GABRB1: variants seen among roughly 807,000 people sequenced by gnomAD.
GABRB1 encodes the protein gamma-aminobutyric acid type A receptor subunit beta1.
A neutral mutation model predicts 51.6 loss-of-function variants in GABRB1; 17 were observed. That is an observed-to-expected ratio of 0.33 (90% CI 0.23 to 0.49). The LOEUF is 0.49. Among genes scored for constraint, GABRB1 ranks in the 20% least tolerant of loss-of-function variants. The pLI is 0.99. For missense variants in GABRB1, 410 were observed against 600.6 expected, an observed-to-expected ratio of 0.68 and a Z score of 3.32; for synonymous variants, 247 against 218.9, an observed-to-expected ratio of 1.13 and a Z score of -1.14.
chr4:47,416,110 G>C (rs1026070945), intron 8 of GABRB1, among the ~76,000 whole-genome samples: 8 of 152,182 alleles, frequency 5.3e-5, no homozygotes, highest in African/African-American at 1.9e-4. Flanking sequence ...ATAAACACAT[G>C]ATATAATGGC....
At chr4:47,244,438 G>C (rs1196528342) in intron 4 of GABRB1, among the ~76,000 whole-genome samples, 1 of 152,164 alleles carries the variant, frequency 6.6e-6, no homozygotes, top group Non-Finnish European at 1.5e-5. Context: ...CTATTGATAG[G>C]AAGAGTTTCA....
At chr4:47,292,941 C>T (rs1301336955) in intron 4 of GABRB1, among the ~76,000 whole-genome samples, 3 of 152,120 alleles carry the variant, frequency 2.0e-5, no homozygotes, top group African/African-American at 7.2e-5. Context: ...TCTTAATAGT[C>T]CAACCTTTTA....
chr4:47,234,767 A>G (rs1054707360), intron 4 of GABRB1, among the ~76,000 whole-genome samples: 4 of 152,164 alleles, frequency 2.6e-5, no homozygotes, highest in Non-Finnish European at 5.9e-5. Flanking sequence ...CAAAATGTAA[A>G]TTCTCCTTTT....
intron 5 of GABRB1, among the ~76,000 whole-genome samples, chr4:47,337,019 G>A (rs566704795): frequency 6.6e-6 from 1 of 152,176 alleles, no homozygotes; most frequent in African/African-American, 2.4e-5. Flanking sequence ...GTTTGAAGTT[G>A]AAATAGAAGC....
chr4:46,994,740 C>T (rs904912044), intron 1 of GABRB1, among the ~76,000 whole-genome samples: 1 of 152,106 alleles, frequency 6.6e-6, no homozygotes. Context: ...AGTAATGATG[C>T]ATGTGGAAAT....
chr4:47,282,224 A>G (rs1723317480), intron 4 of GABRB1, among the ~76,000 whole-genome samples: 1 of 152,204 alleles, frequency 6.6e-6, no homozygotes, highest in South Asian at 2.1e-4. Context: ...CCAGTTCTCT[A>G]AAACACATGT....
At chr4:47,243,026 A>C (rs984207585) in intron 4 of GABRB1, among the ~76,000 whole-genome samples, 9 of 152,154 alleles carry the variant, frequency 5.9e-5, no homozygotes, top group African/African-American at 1.2e-4. Flanking sequence ...TAGGTCTGAC[A>C]TTTAAGTCTT....
At chr4:47,078,561 T>C (rs1253403693) in intron 3 of GABRB1, among the ~76,000 whole-genome samples, 1 of 152,218 alleles carries the variant, frequency 6.6e-6, no homozygotes, top group Non-Finnish European at 1.5e-5. Context: ...ACCTGACTTT[T>C]ATGTCAGCTT....
chr4:47,208,535 A>G (rs1720227786), intron 4 of GABRB1, among the ~76,000 whole-genome samples: 1 of 152,134 alleles, frequency 6.6e-6, no homozygotes, highest in South Asian at 2.1e-4. Flanking sequence ...AAGTAATATA[A>G]TATACCAAAA....
chr4:47,146,202 T>A (rs1717163931), intron 3 of GABRB1, among the ~76,000 whole-genome samples: 1 of 152,132 alleles, frequency 6.6e-6, no homozygotes, highest in South Asian at 2.1e-4. Flanking sequence ...TTAAAAAAAA[T>A]TTGCTGAGCC....
chr4:47,311,358 G>A (rs1213254517), intron 4 of GABRB1, among the ~76,000 whole-genome samples: 1 of 147,556 alleles, frequency 6.8e-6, no homozygotes, highest in Admixed American at 6.8e-5. Context: ...GATGCAGTGA[G>A]CTGAGATCGT....
intron 4 of GABRB1, among the ~76,000 whole-genome samples, chr4:47,318,539 G>T (rs191179366): frequency 1.7e-4 from 26 of 151,946 alleles, no homozygotes; most frequent in African/African-American, 6.3e-4. Flanking sequence ...CTGAAACTCT[G>T]GTCCACTTAC....
chr4:47,295,152 T>TG (rs1419569003), intron 4 of GABRB1, among the ~76,000 whole-genome samples: 1 of 151,810 alleles, frequency 6.6e-6, no homozygotes, highest in Non-Finnish European at 1.5e-5. Context: ...ACCACAAAGA[T>TG]GGGGAAAAAA....
intron 5 of GABRB1, among the ~76,000 whole-genome samples, chr4:47,374,426 C>T (rs1686003203): frequency 6.6e-6 from 1 of 152,184 alleles, no homozygotes; most frequent in Non-Finnish European, 1.5e-5. Context: ...ATTCTGCAAG[C>T]TGACAGGAAA....
chr4:47,150,693 A>T (rs1240950072), intron 3 of GABRB1, among the ~76,000 whole-genome samples: 1 of 151,998 alleles, frequency 6.6e-6, no homozygotes, highest in Non-Finnish European at 1.5e-5. Flanking sequence ...AAAAATACAC[A>T]AAATTGCCTA....
intron 4 of GABRB1, among the ~76,000 whole-genome samples, chr4:47,298,520 C>A (rs1451044028): frequency 3.9e-5 from 6 of 152,224 alleles, no homozygotes; most frequent in South Asian, 2.1e-4. Flanking sequence ...ACCTAGGAAT[C>A]CAACTTACAA....
intron 3 of GABRB1, among the ~76,000 whole-genome samples, chr4:47,093,964 T>C (rs1351520533): frequency 6.6e-6 from 1 of 152,034 alleles, no homozygotes; most frequent in Non-Finnish European, 1.5e-5. Context: ...TAGGAAGCTA[T>C]TGAAAAGTGA....
At chr4:47,063,273 C>T (rs958109831) in intron 3 of GABRB1, among the ~76,000 whole-genome samples, 1 of 151,978 alleles carries the variant, frequency 6.6e-6, no homozygotes, top group African/African-American at 2.4e-5. Context: ...ATTTGAGGAA[C>T]CTTTTTTAGG....
At chr4:47,134,677 T>C (rs1325607342) in intron 3 of GABRB1, among the ~76,000 whole-genome samples, 1 of 152,230 alleles carries the variant, frequency 6.6e-6, no homozygotes, top group Non-Finnish European at 1.5e-5. Context: ...AGAAATTTGA[T>C]TTTAGTCTTG....
Sources: gnomAD v4.1 joint callset for allele counts (sites outside exome capture counted in the v4.1 genomes callset) on GRCh38, gnomAD v4.1.1 for gene constraint, MANE v1.5 for transcripts, NCBI Gene and HGNC (gene_info 2026-07-23, HGNC 2026-07-21) for gene names.